The following TAF4 variants were observed in gnomAD, a reference collection of about 807,000 sequenced individuals.
TAF4 encodes the protein transcription initiation factor TFIID subunit 4.
TAF4 carries 9 observed loss-of-function variants against 90.3 expected under a neutral mutation model. That is an observed-to-expected ratio of 0.10 (90% CI 0.06 to 0.17). The LOEUF is 0.17. Ranked by LOEUF, TAF4 falls within the 10% of genes least tolerant of loss-of-function variation. TAF4 has a pLI of 1.00. For missense variants in TAF4, 1,351 were observed against 1,370.7 expected (o/e 0.99, Z 0.23); for synonymous variants, 818 against 638.9 (o/e 1.28, Z -4.23).
rs540208068 is a variant in TAF4, at chr20:61,983,911, C to T, written c.3091-7576G>A. The stretch of plus-strand genomic sequence containing the variant: ...GGGACAAGAAAGACACCCAGGGTGA[C>T]GGTCTGACGTGTGACAAAGACAGAT... On this transcript the variant is annotated intron_variant, in intron 14 of 14. Transcript: ENST00000252996. 9.2e-5 allele frequency among the ~76,000 whole-genome samples: 14 copies of T among 152,208 alleles called. No homozygotes were observed. The East Asian group carries it at 9.7e-4, about 11-fold the overall frequency.
chr20:61,990,245 C>T lies in TAF4; in HGVS notation c.3090+7305G>A, dbSNP rs141062955. On this transcript the variant is annotated intron_variant, in intron 14 of 14. Coordinates refer to ENST00000252996, the MANE Select transcript of TAF4 (RefSeq NM_003185.4). Reference sequence around the variant, plus strand: ...GCAAACACATGTGGTGTAGCGGGGACGAAGCAGACAGCGTGATGCTCATAC... The same window carrying T: ...GCAAACACATGTGGTGTAGCGGGGATGAAGCAGACAGCGTGATGCTCATAC... Among the ~76,000 whole-genome samples, 1,010 of 152,266 alleles carry T rather than the reference C, an allele frequency of 6.6e-3. 4 individuals carry two copies. The highest frequency in any genetic ancestry group is 8.4e-3 in the Non-Finnish European group (571 of 68,024).
At chr20:62,053,064 C>T (rs555379493) in intron 1 of TAF4, among the ~76,000 whole-genome samples, 260 of 152,256 alleles carry the variant, frequency 1.7e-3, no homozygotes, top group African/African-American at 6.2e-3. Flanking sequence ...TCTGGTGGCA[C>T]GCCCACAACC....
In TAF4 at chr20:61,995,629, C is replaced by T. The variant is rs1403488624; in HGVS notation, c.3090+1921G>A. Among the ~76,000 whole-genome samples, 3 of 14,790 alleles carry T rather than the reference C, an allele frequency of 2.0e-4. 1 individual carries two copies. The highest frequency in any genetic ancestry group is 1.8e-3 in the East Asian group (1 of 542). The allele number at this position is 14,790 out of a possible 152,430, so 9.7% of individuals were successfully genotyped here. A position where few individuals can be genotyped will look rare whatever the true frequency, so the allele number is the denominator to read the frequency against. On this transcript the variant is annotated intron_variant, in intron 14 of 14. Transcript: ENST00000252996. ...CTGTAATCCCAGCACTTTGGGAGGC[C>T]GAGGCGGGTGGATCATGAGGTCAGG...
chr20:61,980,479 A>G (rs2055533385), intron 14 of TAF4: 1 of 151,796 alleles, frequency 6.6e-6, no homozygotes, highest in Admixed American at 6.6e-5. Context: ...TGCCGCACAC[A>G]CTCCAGCCAC....
chr20:61,988,621 G>C (rs28382126), intron 14 of TAF4, among the ~76,000 whole-genome samples: 1 of 152,232 alleles, frequency 6.6e-6, no homozygotes, highest in Non-Finnish European at 1.5e-5. Flanking sequence ...GAAGAAAGGT[G>C]TCTGAAGGAC....
chr20:61,982,195 C>CAACCGACA (rs1263479918), intron 14 of TAF4, among the ~76,000 whole-genome samples: 15 of 244 alleles, frequency 0.061, no homozygotes, highest in Non-Finnish European at 0.076. Flanking sequence ...CAAACCCACA[C>CAACCGACA]CCCACCCGAG....
chr20:62,008,945 T>C, intron 5 of TAF4, 107 bp downstream of exon 5: 1 of 1,434,612 alleles, frequency 7.0e-7, no homozygotes, highest in African/African-American at 1.4e-5. Flanking sequence ...CCAGAGGAGC[T>C]CTCCCTGCTG....
At chr20:62,048,061 G>A (rs539849982) in intron 1 of TAF4, among the ~76,000 whole-genome samples, 42 of 152,216 alleles carry the variant, frequency 2.8e-4, no homozygotes, top group Admixed American at 8.5e-4. Flanking sequence ...GTCACAATAC[G>A]GGGAAGGGTG....
At chr20:61,988,438 A>G (rs1269560654) in intron 14 of TAF4, among the ~76,000 whole-genome samples, 1 of 152,250 alleles carries the variant, frequency 6.6e-6, no homozygotes, top group Non-Finnish European at 1.5e-5. Flanking sequence ...GAACAGTATC[A>G]TACCCACGTT....
intron 14 of TAF4, among the ~76,000 whole-genome samples, chr20:61,984,206 C>CA (rs1393067471): frequency 6.6e-6 from 1 of 152,172 alleles, no homozygotes; most frequent in Non-Finnish European, 1.5e-5. Context: ...CCTACGCACC[C>CA]ACAGCACACC....
chr20:62,020,192 C>A lies in TAF4; in HGVS notation c.1361-5485G>T, dbSNP rs565296446. Among the ~76,000 whole-genome samples, 38 of 152,350 alleles carry A rather than the reference C, an allele frequency of 2.5e-4. 1 individual carries two copies. The South Asian group carries it at 7.9e-3, about 32-fold the overall frequency. On this transcript the variant is annotated intron_variant, in intron 1 of 14. Coordinates refer to ENST00000252996, the MANE Select transcript of TAF4 (RefSeq NM_003185.4). ...CACCAGCCCCAGCCCCAGCCCAGGA[C>A]GACAGGCCCCTGTGGATTCTCAGAG...
chr20:62,008,952 G>T, intron 5 of TAF4, 100 bp downstream of exon 5: 1 of 1,465,528 alleles, frequency 6.8e-7, no homozygotes. Context: ...AGCTCTCCCT[G>T]CTGGCACAGG....
rs551504110 is a variant in TAF4, at chr20:62,064,287, C to T, written c.1360+164G>A. 1.4e-4 allele frequency: 107 copies of T among 781,826 alleles called. No individual in the cohort carries two copies. In the East Asian group the frequency reaches 3.2e-3, roughly 23 times the overall value. The allele number at this position is 781,826 out of a possible 1,614,324, so 48.4% of individuals were successfully genotyped here. On this transcript the variant is annotated intron_variant, in intron 1 of 14. Transcript: ENST00000252996. ...CCTCTGGCTCACTCGCAGACAGCCACCCGGGCTGGCCCCGCACCTGGGTAG... is the reference window on the plus strand; with the variant it reads ...CCTCTGGCTCACTCGCAGACAGCCATCCGGGCTGGCCCCGCACCTGGGTAG...
At chr20:62,007,842 C>A (rs915629233) in intron 5 of TAF4, 2 of 488,522 alleles carry the variant, frequency 4.1e-6, no homozygotes, top group Admixed American at 8.0e-5. Context: ...CAGCCAGCTG[C>A]GGACCACGTC....
At chr20:62,001,581 C>A (rs1404992374) in intron 9 of TAF4, among the ~76,000 whole-genome samples, 1 of 152,120 alleles carries the variant, frequency 6.6e-6, no homozygotes, top group Admixed American at 6.5e-5. Flanking sequence ...CTCCTGGGGT[C>A]GTTGTGTCTC....
chr20:62,000,358 G>A, intron 10 of TAF4, 104 bp from the exon 11 acceptor site: 1 of 1,502,142 alleles, frequency 6.7e-7, no homozygotes, highest in Non-Finnish European at 9.0e-7. Flanking sequence ...ACAACCCAAG[G>A]GGAGCCCAGA....
intron 2 of TAF4, among the ~76,000 whole-genome samples, chr20:62,013,747 G>T (rs1015823006): frequency 6.6e-6 from 1 of 152,204 alleles, no homozygotes; most frequent in Non-Finnish European, 1.5e-5. Context: ...GACGGGGCAG[G>T]AACACGCAGC....
intron 2 of TAF4, among the ~76,000 whole-genome samples, chr20:62,014,230 A>AG (rs1254516823): frequency 6.6e-6 from 1 of 152,024 alleles, no homozygotes; most frequent in Non-Finnish European, 1.5e-5. Flanking sequence ...AGGAAGGTGA[A>AG]GCCACAGGGA....
At chr20:61,997,402 C>T (rs755157824) in intron 14 of TAF4, 148 bp downstream of exon 14, 127 of 1,074,768 alleles carry the variant, frequency 1.2e-4, no homozygotes, top group Non-Finnish European at 1.3e-4. Context: ...AAATGTCAAA[C>T]GTAAAACAAA....
Sources: allele counts gnomAD v4.1 joint callset (sites outside exome capture counted in the v4.1 genomes callset), GRCh38; gene constraint gnomAD v4.1.1; transcripts MANE v1.5; gene names NCBI Gene and HGNC (gene_info 2026-07-23, HGNC 2026-07-21).